PRKCQ: variants seen among roughly 807,000 people sequenced by gnomAD.
PRKCQ encodes protein kinase C theta.
PRKCQ carries 41 observed loss-of-function variants against 91.2 expected under a neutral mutation model. That is an observed-to-expected ratio of 0.45 (90% CI 0.35 to 0.58). The LOEUF is 0.58. Ranked by LOEUF, PRKCQ falls within the 20% of genes least tolerant of loss-of-function variation. PRKCQ has a pLI of 0.00. For missense variants in PRKCQ, 673 were observed against 896.5 expected (o/e 0.75, Z 3.18); for synonymous variants, 307 against 316.9 (o/e 0.97, Z 0.33).
the PRKCQ span, among the ~76,000 whole-genome samples, chr10:6,413,325 G>T: frequency 1.3e-5 from 2 of 151,986 alleles, no homozygotes; most frequent in African/African-American, 2.4e-5. Context: ...AAAAACAAAT[G>T]AAATATAAAT....
chr10:6,544,166 G>A (rs1267123390), intron 1 of PRKCQ, among the ~76,000 whole-genome samples: 1 of 152,166 alleles, frequency 6.6e-6, no homozygotes, highest in Non-Finnish European at 1.5e-5. Flanking sequence ...GAATATTCAT[G>A]GGAATTTTAC....
the PRKCQ span, among the ~76,000 whole-genome samples, chr10:6,403,513 C>G: frequency 1.3e-5 from 2 of 152,176 alleles, no homozygotes; most frequent in East Asian, 3.8e-4. Context: ...GTTCCCGGCT[C>G]ACTCTCAGGT....
At chr10:6,482,324 T>C (rs1278682212) in intron 11 of PRKCQ, among the ~76,000 whole-genome samples, 2 of 151,986 alleles carry the variant, frequency 1.3e-5, no homozygotes, top group Non-Finnish European at 2.9e-5. Flanking sequence ...TTAAGCAGAG[T>C]GTGGTGGCAC....
intron 1 of PRKCQ, among the ~76,000 whole-genome samples, chr10:6,548,684 G>A (rs1351696301): frequency 7.3e-6 from 1 of 137,224 alleles, no homozygotes; most frequent in African/African-American, 2.7e-5. Context: ...ATTGAACAAT[G>A]AGAACACATG....
At chr10:6,394,162 GTCATGTCGTTCATTCCTTA>G in the PRKCQ span, among the ~76,000 whole-genome samples, 1 of 152,236 alleles carries the variant, frequency 6.6e-6, no homozygotes, top group Non-Finnish European at 1.5e-5. Flanking sequence ...ATGTGAAGGT[GTCATGTCGTTCATTCCTTA>G]TCTTTGGTGA....
chr10:6,431,317 TAGAC>T (rs994307222), intron 16 of PRKCQ, among the ~76,000 whole-genome samples: 11 of 151,996 alleles, frequency 7.2e-5, no homozygotes, highest in South Asian at 6.2e-4. Context: ...AACACGCACA[TAGAC>T]AGGCACACAC....
At chr10:6,519,130 A>G (rs958254734) in intron 1 of PRKCQ, among the ~76,000 whole-genome samples, 3 of 152,226 alleles carry the variant, frequency 2.0e-5, no homozygotes, top group African/African-American at 7.2e-5. Flanking sequence ...AATTAACATA[A>G]AAGATTTTCA....
chr10:6,478,442 C>T (rs1366617633), intron 12 of PRKCQ, among the ~76,000 whole-genome samples: 1 of 152,094 alleles, frequency 6.6e-6, no homozygotes, highest in Non-Finnish European at 1.5e-5. Context: ...GATGCAAGTC[C>T]TCCCAGAACG....
intron 15 of PRKCQ, among the ~76,000 whole-genome samples, chr10:6,446,568 G>A (rs930330633): frequency 6.6e-6 from 1 of 152,002 alleles, no homozygotes; most frequent in East Asian, 1.9e-4. Context: ...GTTTCACCAT[G>A]TTGGCCAGGC....
rs1833213333 is a variant in PRKCQ, at chr10:6,428,140, A to C, written c.*67T>G. On this transcript the variant is annotated 3_prime_UTR_variant, in exon 18 of 18. Transcript: ENST00000263125. ...TTTTCCAAGTTGAAAAAGGAACCCA[A>C]GCAGTGTCTCTTGAACCAGTTCCCA... 3 of 1,586,764 alleles carry C rather than the reference A, an allele frequency of 1.9e-6. No homozygotes were observed. The East Asian group carries it at 6.7e-5, about 36-fold the overall frequency.
intron 1 of PRKCQ, among the ~76,000 whole-genome samples, chr10:6,547,209 A>G (rs180782068): frequency 0.01 from 1,585 of 152,216 alleles, 26 homozygotes; most frequent in African/African-American, 0.037. Flanking sequence ...AGGACTACAA[A>G]CCACTGCTCA....
chr10:6,445,520 G>A (rs912265580), intron 15 of PRKCQ, among the ~76,000 whole-genome samples: 2 of 152,214 alleles, frequency 1.3e-5, no homozygotes, highest in African/African-American at 4.8e-5. Context: ...CTTCTTGTGA[G>A]ATCCAGTGAA....
chr10:6,462,732 C>T (rs932189705), intron 13 of PRKCQ, among the ~76,000 whole-genome samples: 9 of 152,048 alleles, frequency 5.9e-5, no homozygotes, highest in African/African-American at 9.7e-5. Flanking sequence ...AGGCCAGGTA[C>T]GGTGGCTCAC....
chr10:6,533,267 G>A (rs1839459168), intron 1 of PRKCQ, among the ~76,000 whole-genome samples: 2 of 152,072 alleles, frequency 1.3e-5, no homozygotes, highest in African/African-American at 2.4e-5. Context: ...GCATGATCTC[G>A]GCTCACTGCA....
At chr10:6,494,470 AC>A (rs1837484278) in intron 7 of PRKCQ, among the ~76,000 whole-genome samples, 1 of 4,032 alleles carries the variant, frequency 2.5e-4, no homozygotes, top group African/African-American at 3.1e-4. Flanking sequence ...CACCTCAGTC[AC>A]CCTTCTGCAG....
At chr10:6,461,455 A>T (rs1835347850) in intron 14 of PRKCQ, among the ~76,000 whole-genome samples, 2 of 152,260 alleles carry the variant, frequency 1.3e-5, no homozygotes, top group Admixed American at 6.5e-5. Context: ...TTAAAAAATT[A>T]TAAAACAGAT....
At chr10:6,434,257 G>C (rs575267842) in intron 16 of PRKCQ, among the ~76,000 whole-genome samples, 1 of 152,234 alleles carries the variant, frequency 6.6e-6, no homozygotes, top group African/African-American at 2.4e-5. Flanking sequence ...TAACTGCCCT[G>C]GGCCGTGTGT....
chr10:6,411,038 G>A, the PRKCQ span, among the ~76,000 whole-genome samples: 17 of 151,178 alleles, frequency 1.1e-4, no homozygotes, highest in Non-Finnish European at 2.2e-4. Flanking sequence ...TGAGAAACAC[G>A]GCGGACGATT....
In PRKCQ at chr10:6,546,488, T is replaced by C. The variant is rs563028486; in HGVS notation, c.-9-31344A>G. Among the ~76,000 whole-genome samples, 3 of 152,346 alleles carry C rather than the reference T, an allele frequency of 2.0e-5. No individual in the cohort carries two copies. The South Asian group carries it at 6.2e-4, about 32-fold the overall frequency. On this transcript the variant is annotated intron_variant, in intron 1 of 17. Transcript: ENST00000263125. ...TGTTATACTTAGGTATTTTACTCTC[T>C]TTGAAGCAATTGTGAATGGGAGTTC...
Sources: allele counts gnomAD v4.1 joint callset (sites outside exome capture counted in the v4.1 genomes callset), GRCh38; gene constraint gnomAD v4.1.1; transcripts MANE v1.5; gene names NCBI Gene and HGNC (gene_info 2026-07-23, HGNC 2026-07-21).